TBC1D22A: variants seen among roughly 807,000 people sequenced by gnomAD.
The protein encoded by TBC1D22A is putative GTPase activator.
TBC1D22A carries 38 observed loss-of-function variants against 60.2 expected under a neutral mutation model. That is an observed-to-expected ratio of 0.63 (90% CI 0.49 to 0.83). The LOEUF is 0.83. Ranked by LOEUF, TBC1D22A falls within the 40% of genes least tolerant of loss-of-function variation. The pLI, the probability that TBC1D22A is intolerant of heterozygous loss-of-function variation, is 0.00. For synonymous variants in TBC1D22A, 302 were observed against 281.7 expected (o/e 1.07, Z -0.72); for missense variants, 628 against 701.0 (o/e 0.90, Z 1.18).
intron 12 of TBC1D22A, among the ~76,000 whole-genome samples, chr22:47,127,394 ATTTTTT>A (rs11387235): frequency 4.9e-5 from 6 of 122,514 alleles, no homozygotes; most frequent in Admixed American, 8.6e-5. Context: ...CGCCCAGCTG[ATTTTTT>A]TTTTTTTTTT....
chr22:46,762,904 C>A, intron 1 of TBC1D22A, 56 bp downstream of exon 1: 1 of 1,439,652 alleles, frequency 6.9e-7, no homozygotes, highest in Non-Finnish European at 9.2e-7. Flanking sequence ...CAGGTGGCCG[C>A]GTTGGCCTCC....
chr22:47,087,832 T>TTAG (rs2064760636), intron 11 of TBC1D22A, among the ~76,000 whole-genome samples: 1 of 152,136 alleles, frequency 6.6e-6, no homozygotes, highest in African/African-American at 2.4e-5. Context: ...TCCCAGCACT[T>TTAG]TAGAAGGCTG....
chr22:46,933,522 G>T (rs2071470525), intron 8 of TBC1D22A, among the ~76,000 whole-genome samples: 1 of 152,218 alleles, frequency 6.6e-6, no homozygotes, highest in South Asian at 2.1e-4. Flanking sequence ...TCTCTGATGG[G>T]GTGAGAGGAA....
At chr22:47,006,058 A>T (rs566470984) in intron 10 of TBC1D22A, among the ~76,000 whole-genome samples, 1 of 152,294 alleles carries the variant, frequency 6.6e-6, no homozygotes, top group Non-Finnish European at 1.5e-5. Context: ...ACACACATGT[A>T]TTTAGACACA....
intron 11 of TBC1D22A, among the ~76,000 whole-genome samples, chr22:47,073,475 C>T (rs1257837368): frequency 4.6e-5 from 7 of 152,150 alleles, no homozygotes; most frequent in South Asian, 2.1e-4. Flanking sequence ...TTCCACAGAG[C>T]TCTGCCAGCA....
At chr22:47,070,999 G>A (rs1300106434) in intron 11 of TBC1D22A, among the ~76,000 whole-genome samples, 1 of 152,226 alleles carries the variant, frequency 6.6e-6, no homozygotes, top group Non-Finnish European at 1.5e-5. Flanking sequence ...TACTTAAATG[G>A]CCCAATAATT....
intron 1 of TBC1D22A, among the ~76,000 whole-genome samples, chr22:46,781,520 G>A (rs1437193999): frequency 6.6e-6 from 1 of 152,128 alleles, no homozygotes; most frequent in East Asian, 1.9e-4. Context: ...CGCCTGCCAT[G>A]GGTGTCCTCG....
intron 9 of TBC1D22A, among the ~76,000 whole-genome samples, chr22:46,995,185 CCA>C (rs1246411341): frequency 6.6e-6 from 1 of 152,202 alleles, no homozygotes. Context: ...AGCAGTCACT[CCA>C]GAGATCCTCT....
chr22:46,812,333 T>C (rs2147041814), intron 4 of TBC1D22A, among the ~76,000 whole-genome samples: 1 of 152,272 alleles, frequency 6.6e-6, no homozygotes, highest in East Asian at 1.9e-4. Flanking sequence ...CTGCACCCCC[T>C]GTGGGCACAG....
intron 8 of TBC1D22A, among the ~76,000 whole-genome samples, chr22:46,963,010 G>C (rs555315426): frequency 1.3e-5 from 2 of 151,358 alleles, no homozygotes; most frequent in South Asian, 4.2e-4. Context: ...TCAGGAGATC[G>C]AGACCATTCC....
intron 11 of TBC1D22A, among the ~76,000 whole-genome samples, chr22:47,061,629 C>G (rs1281215090): frequency 1.3e-5 from 2 of 152,150 alleles, no homozygotes; most frequent in Non-Finnish European, 2.9e-5. Context: ...TGGGCTCCAG[C>G]ATATGCCCCT....
chr22:46,958,962 C>T (rs1279001539), intron 8 of TBC1D22A, among the ~76,000 whole-genome samples: 1 of 152,138 alleles, frequency 6.6e-6, no homozygotes. Context: ...TCATTCTTCC[C>T]GCTGCTTGTG....
chr22:46,995,148 A>G (rs2075076561), intron 9 of TBC1D22A, among the ~76,000 whole-genome samples: 1 of 152,158 alleles, frequency 6.6e-6, no homozygotes, highest in Non-Finnish European at 1.5e-5. Context: ...CACGACATCT[A>G]GGAAACATAT....
intron 11 of TBC1D22A, among the ~76,000 whole-genome samples, chr22:47,092,878 G>A (rs1276162650): frequency 1.3e-5 from 2 of 152,132 alleles, no homozygotes; most frequent in African/African-American, 2.4e-5. Context: ...AGAAAACAGC[G>A]AAGTTCATCA....
At chr22:47,051,791 G>T (rs192528492) in intron 11 of TBC1D22A, among the ~76,000 whole-genome samples, 10 of 152,148 alleles carry the variant, frequency 6.6e-5, no homozygotes, top group Non-Finnish European at 1.2e-4. Flanking sequence ...CTCTGCTCCC[G>T]CTGTGTTCTG....
At chr22:47,056,895 A>G (rs2063410246) in intron 11 of TBC1D22A, among the ~76,000 whole-genome samples, 1 of 151,924 alleles carries the variant, frequency 6.6e-6, no homozygotes. Flanking sequence ...GGCCTGGAGC[A>G]GAGGAGATGC....
intron 12 of TBC1D22A, among the ~76,000 whole-genome samples, chr22:47,148,101 G>T (rs2147164863): frequency 6.6e-6 from 1 of 152,298 alleles, no homozygotes. Flanking sequence ...AAGCTGGTCT[G>T]AACTGATGAA....
chr22:46,893,604 G>C (rs6009026), intron 6 of TBC1D22A, among the ~76,000 whole-genome samples: 1 of 152,216 alleles, frequency 6.6e-6, no homozygotes, highest in Non-Finnish European at 1.5e-5. Context: ...GGACAGATGT[G>C]TGTCCACACG....
At chr22:46,994,279 A>G (rs1460197187) in intron 9 of TBC1D22A, among the ~76,000 whole-genome samples, 1 of 152,226 alleles carries the variant, frequency 6.6e-6, no homozygotes, top group Non-Finnish European at 1.5e-5. Flanking sequence ...GAGCCACCGA[A>G]TGGCTGACTG....
Sources: gnomAD v4.1 joint callset for allele counts (sites outside exome capture counted in the v4.1 genomes callset) on GRCh38, gnomAD v4.1.1 for gene constraint, MANE v1.5 for transcripts, NCBI Gene and HGNC (gene_info 2026-07-23, HGNC 2026-07-21) for gene names.